ELP3: variants seen among roughly 807,000 people sequenced by gnomAD.
ELP3 encodes the protein elongator complex protein 3.
Under a neutral mutation model 74.9 loss-of-function variants are expected in ELP3, and 56 were observed. The ratio of observed to expected loss-of-function variants is 0.75; its 90% confidence interval spans 0.60 to 0.93. ELP3 has a LOEUF of 0.93. Among genes scored for constraint, ELP3 ranks in the 40% least tolerant of loss-of-function variants. The pLI is 0.00. For missense variants in ELP3, 573 were observed against 686.5 expected (o/e 0.83, Z 1.85); for synonymous variants, 222 against 239.8 (o/e 0.93, Z 0.68).
rs1395887154 is a variant in ELP3, at chr8:28,147,655, A to T, written c.1101-8287A>T. On this transcript the variant is annotated intron_variant, in intron 10 of 14. Coordinates refer to ENST00000256398, the MANE Select transcript of ELP3 (RefSeq NM_018091.6). This position sits in a 1 kb window ranked among gnomAD's most constrained non-coding sequence, Gnocchi z 4.5. ...TCTCTCTCTGTGTGTGTATGTGTGT[A>T]TGCATGCATATATTTCTTAGTAGTA... Among the ~76,000 whole-genome samples, 8 of 152,172 alleles carry T rather than the reference A, an allele frequency of 5.3e-5. No individual in the cohort carries two copies. Among genetic ancestry groups the T allele is most frequent in the Admixed American group, 2.6e-4 (4 of 15,260 alleles).
chr8:28,099,804 T>A lies in ELP3; in HGVS notation c.120-24T>A, dbSNP rs372446509. ...TGTCCTTAAATAACCGTAATCTTGA[T>A]AATGTGAGATGCTTTACTTTCAGGG... On this transcript the variant is annotated intron_variant, in intron 2 of 14. Transcript: ENST00000256398. 115 of 1,613,848 alleles carry A rather than the reference T, an allele frequency of 7.1e-5. No individual in the cohort carries two copies. The African/African-American group carries it at 1.4e-3, about 19-fold the overall frequency.
At chr8:28,156,114 C>T (rs1201938880) in intron 11 of ELP3, 82 bp downstream of exon 11, 2 of 1,123,044 alleles carry the variant, frequency 1.8e-6, no homozygotes, top group Admixed American at 1.9e-5. Flanking sequence ...CACTACCACC[C>T]CTAAAACCAG....
chr8:28,153,032 A>G (rs915409529), intron 10 of ELP3, among the ~76,000 whole-genome samples: 14 of 152,202 alleles, frequency 9.2e-5, no homozygotes, highest in Admixed American at 6.5e-5. Flanking sequence ...TTTAATGTGT[A>G]GGTCCTACAT....
At chr8:28,110,808 G>A (rs967812161) in intron 6 of ELP3, 3 of 204,120 alleles carry the variant, frequency 1.5e-5, no homozygotes, top group South Asian at 1.7e-4. Flanking sequence ...CTGGCCATGC[G>A]CAATGGCTCA....
At chr8:28,189,187 A>C (rs1041910450) in intron 14 of ELP3, among the ~76,000 whole-genome samples, 3 of 152,218 alleles carry the variant, frequency 2.0e-5, no homozygotes, top group African/African-American at 7.2e-5. Context: ...GGCTGAGTGG[A>C]GATCCCATTT....
At chr8:28,148,780 T>C (rs1010448530) in intron 10 of ELP3, among the ~76,000 whole-genome samples, 18 of 152,238 alleles carry the variant, frequency 1.2e-4, no homozygotes, top group African/African-American at 4.3e-4. Flanking sequence ...TTTGATACAT[T>C]GGATTTCATT....
chr8:28,130,370 G>A (rs1812743044), intron 8 of ELP3, among the ~76,000 whole-genome samples: 1 of 152,166 alleles, frequency 6.6e-6, no homozygotes, highest in South Asian at 2.1e-4. Flanking sequence ...TATTCTGTAG[G>A]ATTTGGGTAG....
intron 10 of ELP3, among the ~76,000 whole-genome samples, chr8:28,154,411 A>G (rs1447265244): frequency 6.6e-6 from 1 of 152,214 alleles, no homozygotes; most frequent in Non-Finnish European, 1.5e-5. Flanking sequence ...ACTGGTTGCC[A>G]CTGACTTTAT....
At chr8:28,093,513 G>T in intron 1 of ELP3, 1 of 517,112 alleles carries the variant, frequency 1.9e-6, no homozygotes, top group Non-Finnish European at 3.4e-6. Context: ...CCTCCGAGGA[G>T]TTAACGTCGA....
At chr8:28,149,695 T>C (rs1364214298) in intron 10 of ELP3, among the ~76,000 whole-genome samples, 1 of 152,196 alleles carries the variant, frequency 6.6e-6, no homozygotes, top group Non-Finnish European at 1.5e-5. Flanking sequence ...ATTCTTATTA[T>C]TTATGTTCTC....
rs1221812721 is a variant in ELP3, at chr8:28,140,689, C to G, written c.1100+2798C>G. On this transcript the variant is annotated intron_variant, in intron 10 of 14. Transcript: ENST00000256398. ...TGTCCTTCTTGCAGTCTGTTTCATG[C>G]CATGTTTTTCAAAGTTTTGTGCAGT... is the stretch of plus-strand genomic sequence containing the variant. 2.6e-5 allele frequency among the ~76,000 whole-genome samples: 4 copies of G among 152,160 alleles called. No individual in the cohort carries two copies. The East Asian group carries it at 7.7e-4, about 29-fold the overall frequency.
intron 3 of ELP3, among the ~76,000 whole-genome samples, chr8:28,102,441 G>A (rs552292159): frequency 5.9e-5 from 9 of 152,148 alleles, no homozygotes; most frequent in South Asian, 2.1e-4. Context: ...ATTTCCTTAC[G>A]CATCTATTTT....
intron 3 of ELP3, among the ~76,000 whole-genome samples, chr8:28,100,369 G>A (rs900408107): frequency 2.6e-5 from 4 of 152,208 alleles, no homozygotes; most frequent in African/African-American, 7.2e-5. Flanking sequence ...AGACAACAGC[G>A]ATGTCCCTGC....
At chr8:28,164,381 CAAG>C (rs1814224636) in intron 14 of ELP3, among the ~76,000 whole-genome samples, 1 of 152,132 alleles carries the variant, frequency 6.6e-6, no homozygotes, top group South Asian at 2.1e-4. Flanking sequence ...TCTCAAATAA[CAAG>C]AAGAGACTTG....
At chr8:28,121,517 A>G (rs1211996180) in intron 7 of ELP3, among the ~76,000 whole-genome samples, 23 of 151,744 alleles carry the variant, frequency 1.5e-4, no homozygotes. Context: ...ATGGGGTTTC[A>G]CCATGTTGGC....
chr8:28,112,950 T>A, intron 6 of ELP3, 69 bp from the exon 7 acceptor site: 1 of 1,417,392 alleles, frequency 7.1e-7, no homozygotes, highest in Non-Finnish European at 9.6e-7. Flanking sequence ...AAATAAGAGA[T>A]TTGCAATGCC....
At chr8:28,134,929 CTTT>C (rs34364991) in intron 9 of ELP3, among the ~76,000 whole-genome samples, 1 of 143,520 alleles carries the variant, frequency 7.0e-6, no homozygotes, top group Non-Finnish European at 1.5e-5. Flanking sequence ...TTTCTTATGC[CTTT>C]TTTTTTTTTT....
chr8:28,155,539 T>G (rs1813791256), intron 10 of ELP3, among the ~76,000 whole-genome samples: 1 of 152,244 alleles, frequency 6.6e-6, no homozygotes, highest in African/African-American at 2.4e-5. Flanking sequence ...ATTCAGCAGC[T>G]GTGTGGGAAA....
At chr8:28,140,517 T>C (rs1813195058) in intron 10 of ELP3, among the ~76,000 whole-genome samples, 1 of 152,210 alleles carries the variant, frequency 6.6e-6, no homozygotes, top group Non-Finnish European at 1.5e-5. Context: ...AAAATTCGTT[T>C]GTGACTCAAA....
Sources: allele counts gnomAD v4.1 joint callset (sites outside exome capture counted in the v4.1 genomes callset), GRCh38; gene constraint gnomAD v4.1.1; non-coding constraint Gnocchi (gnomAD v3.1); transcripts MANE v1.5; gene names NCBI Gene and HGNC (gene_info 2026-07-23, HGNC 2026-07-21).